Variants in KDM5C observed in about 807,000 individuals in gnomAD.
The protein encoded by KDM5C is lysine demethylase 5C.
In KDM5C, 16 loss-of-function variants were observed where a neutral mutation model predicts 110.6. The observed-to-expected ratio is 0.14, with a 90% CI of 0.10 to 0.22. The LOEUF (loss-of-function observed/expected upper bound fraction) is 0.22. Ranked by LOEUF, KDM5C falls within the 10% of genes least tolerant of loss-of-function variation. KDM5C has a pLI of 1.00. For missense variants in KDM5C, 681 were observed against 1,300.9 expected (o/e 0.52, Z 7.33); for synonymous variants, 511 against 520.4 (o/e 0.98, Z 0.24).
downstream of KDM5C, among the ~76,000 whole-genome samples, chrX:53,189,236 G>A (rs928129993): frequency 8.9e-6 from 1 of 112,381 alleles, no homozygotes; most frequent in African/African-American, 3.2e-5. Context: ...CAACAGCAGA[G>A]ATCAACACTG....
downstream of KDM5C, among the ~76,000 whole-genome samples, chrX:53,189,001 G>A (rs782130031): frequency 1.7e-4 from 19 of 112,200 alleles, no homozygotes; most frequent in Non-Finnish European, 2.4e-4. Context: ...ACACCTTGCT[G>A]GCTGTGAGAC....
chrX:53,180,251 A>C (rs1017272478), intron 25 of KDM5C, among the ~76,000 whole-genome samples: 1 of 111,824 alleles, frequency 8.9e-6, no homozygotes, highest in African/African-American at 3.3e-5. Flanking sequence ...CAGTAAAAAA[A>C]ATCAGAGGTT....
chrX:53,220,941 G>A, intron 1 of KDM5C, 25 bp from the exon 2 acceptor site: 2 of 1,153,660 alleles, frequency 1.7e-6, no homozygotes, highest in Non-Finnish European at 2.4e-6. Flanking sequence ...AGGGGAAAGG[G>A]ACTTGAGTTA....
intron 12 of KDM5C, among the ~76,000 whole-genome samples, chrX:53,203,916 G>A (rs1480647129): frequency 2.7e-5 from 3 of 110,815 alleles, no homozygotes; most frequent in South Asian, 3.7e-4. Flanking sequence ...ACAGGCACAC[G>A]CCACTATGCC....
At position 53,195,053 on chromosome X, in the gene KDM5C, C is replaced by T. The variant is rs781871728; in HGVS notation, c.3316G>A (p.Ala1106Thr). The change falls in exon 22 of 26, where the codon GCA (alanine) becomes ACA (threonine). Residue 1106 changes from alanine (A) to threonine (T), a missense_variant. Transcript: ENST00000375401. ...YTLLEVLCPC[A>T]DAGSDSTKRS... ...TTGGTGCTGTCTGAGCCGGCATCTG[C>T]ACATGGGCAGAGAACCTGGGGCAGG... The T allele has an allele frequency of 8.3e-7, 1 of 1,207,758 alleles. No homozygotes were observed. Among genetic ancestry groups the T allele is most frequent in the Non-Finnish European group, 1.1e-6 (1 of 894,061 alleles).
Position 53,196,844 on chromosome X carries a change from T to C in KDM5C, c.2823A>G (p.Ser941=), listed in dbSNP as rs143955805. 1,463 of 1,207,911 alleles carry C rather than the reference T, an allele frequency of 1.2e-3. 2 individuals are homozygous for C. Among genetic ancestry groups the C allele is most frequent in the Admixed American group, 1.8e-3 (84 of 45,710 alleles). Residue 941 remains serine, a synonymous_variant, in exon 19 of 26, where the codon TCA becomes TCG. Transcript: ENST00000375401. The stretch of plus-strand genomic sequence containing the variant: ...TGACAGCCAAGGTGCCCCTTCGGGC[T>C]GAGGGGGCCAGTGTGCGTTTCACCT... The part of the protein sequence containing the change: ...LDEVKRTLAP[S]ARRGTLAVMR...
chrX:53,214,675 TG>T lies in KDM5C; in HGVS notation c.1122+13del, dbSNP rs782509548. On this transcript the variant is annotated intron_variant, in intron 8 of 25. Coordinates refer to ENST00000375401, the MANE Select transcript of KDM5C (RefSeq NM_004187.5). Reference sequence around the variant, plus strand: ...GAAGCCCTATGAGGCAGATGTGGAGTGGGGAGGCCTTACCGCCATGACACAC... The same window carrying T: ...GAAGCCCTATGAGGCAGATGTGGAGTGGGAGGCCTTACCGCCATGACACAC... 8.3e-7 allele frequency: 1 copy of T among 1,200,069 alleles called. No homozygotes were observed. Among genetic ancestry groups the T allele is most frequent in the Non-Finnish European group, 1.1e-6 (1 of 889,485 alleles).
chrX:53,203,052 C>T (rs921397673), intron 12 of KDM5C, among the ~76,000 whole-genome samples: 20 of 110,964 alleles, frequency 1.8e-4, no homozygotes, highest in African/African-American at 5.6e-4. Flanking sequence ...GTGATCCGCC[C>T]GCCTCGGCCT....
At chrX:53,178,068 G>A (rs782545320) in intron 25 of KDM5C, among the ~76,000 whole-genome samples, 2 of 111,373 alleles carry the variant, frequency 1.8e-5, no homozygotes, top group Admixed American at 9.6e-5. Flanking sequence ...ATGTTGTCCA[G>A]GCTGGCTTGA....
intron 25 of KDM5C, among the ~76,000 whole-genome samples, chrX:53,180,516 G>C (rs1934005954): frequency 9.1e-6 from 1 of 109,953 alleles, no homozygotes; most frequent in African/African-American, 3.3e-5. Flanking sequence ...GCCTGTGTAG[G>C]AGCAGGGGGT....
At chrX:53,216,378 G>A (rs1434007587) in intron 5 of KDM5C, among the ~76,000 whole-genome samples, 181 bp from the exon 6 acceptor site, 1 of 111,746 alleles carries the variant, frequency 8.9e-6, no homozygotes, top group Non-Finnish European at 1.9e-5. Flanking sequence ...CTGCCCCCTC[G>A]GCCCTCTCTC....
chrX:53,180,719 CTTTTTT>C (rs1173641591), intron 25 of KDM5C, among the ~76,000 whole-genome samples: 1 of 30,273 alleles, frequency 3.3e-5, no homozygotes, highest in African/African-American at 1.3e-4. Flanking sequence ...CCACACCCGG[CTTTTTT>C]TTTTTTTTTT....
intron 21 of KDM5C, 75 bp from the exon 22 acceptor site, chrX:53,195,143 C>T: frequency 8.5e-7 from 1 of 1,174,218 alleles, no homozygotes; most frequent in Non-Finnish European, 1.1e-6. Context: ...CCTGGTGCCC[C>T]TACAAAACCC....
At chrX:53,182,243 C>A (rs1934086837) in intron 25 of KDM5C, among the ~76,000 whole-genome samples, 1 of 109,750 alleles carries the variant, frequency 9.1e-6, no homozygotes, top group Non-Finnish European at 1.9e-5. Flanking sequence ...CACCGCCAGG[C>A]CTGGCTAATT....
chrX:53,184,266 G>A (rs1291535300), intron 25 of KDM5C, among the ~76,000 whole-genome samples: 2 of 110,598 alleles, frequency 1.8e-5, no homozygotes, highest in Non-Finnish European at 1.9e-5. Context: ...GAGAGATGAG[G>A]TCTCATTCTG....
intron 25 of KDM5C, among the ~76,000 whole-genome samples, chrX:53,180,186 ATATAC>A (rs1209795330): frequency 9.0e-6 from 1 of 111,485 alleles, no homozygotes; most frequent in Non-Finnish European, 1.9e-5. Context: ...TGAAAAGGCT[ATATAC>A]TATATGATTC....
intron 25 of KDM5C, among the ~76,000 whole-genome samples, chrX:53,183,613 G>C (rs2146790556): frequency 9.6e-6 from 1 of 103,805 alleles, no homozygotes; most frequent in East Asian, 3.0e-4. Flanking sequence ...CTGTCACCCA[G>C]GCTGGAGTGC....
chrX:53,178,154 G>T (rs1350553681), intron 25 of KDM5C, among the ~76,000 whole-genome samples: 2 of 112,283 alleles, frequency 1.8e-5, no homozygotes, highest in Non-Finnish European at 3.8e-5. Context: ...ACCATGCCTG[G>T]CCAGAAAAGA....
chrX:53,217,236 C>T lies in KDM5C; in HGVS notation c.564G>A (p.Lys188=), dbSNP rs61751437. 18,196 of 1,209,118 alleles carry T rather than the reference C, an allele frequency of 0.015. 117 individuals carry two copies. Among genetic ancestry groups the T allele is most frequent in the South Asian group, 0.019 (1,083 of 56,631 alleles). ...TRPFDNEEKD[K]EYKPHSIPLR... ...GGGGGATGCTGTGGGGTTTGTATTC[C>T]TTGTCCTTCTCCTCATTATCAAATG... Residue 188 remains lysine, a synonymous_variant, in exon 5 of 26, where the codon AAG becomes AAA. Coordinates refer to ENST00000375401, the MANE Select transcript of KDM5C (RefSeq NM_004187.5).
Sources: gnomAD v4.1 joint callset for allele counts (sites outside exome capture counted in the v4.1 genomes callset) on GRCh38, gnomAD v4.1.1 for gene constraint, MANE v1.5 for transcripts, NCBI Gene and HGNC (gene_info 2026-07-23, HGNC 2026-07-21) for gene names.